Variants in DLGAP2 observed in about 807,000 individuals in gnomAD.
DLGAP2 encodes DLG associated protein 2, also known as disks large-associated protein 2.
DLGAP2 carries 26 observed loss-of-function variants against 100.3 expected under a neutral mutation model. That is an observed-to-expected ratio of 0.26 (90% CI 0.19 to 0.36). The LOEUF is 0.36. DLGAP2 is among the 10% of genes least tolerant of loss of function. The pLI, the probability that DLGAP2 is intolerant of heterozygous loss-of-function variation, is 1.00. For missense variants in DLGAP2, 1,858 were observed against 1,453.2 expected, an observed-to-expected ratio of 1.28 and a Z score of -4.53; for synonymous variants, 886 against 630.1, an observed-to-expected ratio of 1.41 and a Z score of -6.08.
At chr8:1,058,965 T>C (rs1287259635) in intron 2 of DLGAP2, among the ~76,000 whole-genome samples, 1 of 152,312 alleles carries the variant, frequency 6.6e-6, no homozygotes, top group East Asian at 1.9e-4. Flanking sequence ...AGCAAACCTT[T>C]ATTTAGCATC....
intron 2 of DLGAP2, among the ~76,000 whole-genome samples, chr8:941,809 C>T (rs1199240062): frequency 7.2e-6 from 1 of 139,580 alleles, no homozygotes; most frequent in Non-Finnish European, 1.5e-5. Context: ...ATTCAGTAGC[C>T]ACAAAATACA....
chr8:1,581,718 A>C (rs1189915700), intron 6 of DLGAP2, among the ~76,000 whole-genome samples: 5 of 152,000 alleles, frequency 3.3e-5, no homozygotes, highest in Admixed American at 3.3e-4. Flanking sequence ...AACTACCAGA[A>C]GTGAAGGATA....
chr8:820,754 G>C lies in DLGAP2; in HGVS notation c.18+82929G>C, dbSNP rs560856219. ...TCTGCATAAACTCACATAATGAGAA[G>C]CATTAAAAAATGTATGCAGAATTCT... On this transcript the variant is annotated intron_variant, in intron 1 of 14. Coordinates refer to ENST00000637795, the MANE Select transcript of DLGAP2 (RefSeq NM_001346810.2). Among the ~76,000 whole-genome samples the C allele has an allele frequency of 9.2e-5, 14 of 152,304 alleles. 1 individual carries two copies. The East Asian group carries it at 2.5e-3, about 27-fold the overall frequency.
intron 3 of DLGAP2, among the ~76,000 whole-genome samples, chr8:1,414,870 G>T (rs929684331): frequency 5.3e-5 from 8 of 152,154 alleles, no homozygotes; most frequent in African/African-American, 1.9e-4. Flanking sequence ...TTAGCCAGGC[G>T]TGGTGGCAGG....
intron 2 of DLGAP2, among the ~76,000 whole-genome samples, chr8:1,100,413 A>G (rs550587582): frequency 6.6e-6 from 1 of 151,846 alleles, no homozygotes; most frequent in Non-Finnish European, 1.5e-5. Flanking sequence ...TTTGTCCAGC[A>G]TATCCACAGT....
intron 2 of DLGAP2, among the ~76,000 whole-genome samples, chr8:1,106,356 G>A (rs1374029420): frequency 6.7e-6 from 1 of 149,920 alleles, no homozygotes; most frequent in Non-Finnish European, 1.5e-5. Context: ...ATTGAGGGGA[G>A]CCATTCTAGG....
chr8:1,551,831 C>T (rs180691266), intron 5 of DLGAP2, among the ~76,000 whole-genome samples: 4 of 152,322 alleles, frequency 2.6e-5, no homozygotes, highest in Admixed American at 2.6e-4. Flanking sequence ...TAACCACCTG[C>T]ATTATATCAT....
chr8:833,262 G>C (rs1045857999), intron 1 of DLGAP2, among the ~76,000 whole-genome samples: 1 of 152,178 alleles, frequency 6.6e-6, no homozygotes, highest in African/African-American at 2.4e-5. Context: ...CATTTCCTGA[G>C]AGAATTCAGG....
intron 1 of DLGAP2, among the ~76,000 whole-genome samples, chr8:879,895 C>G (rs1168899480): frequency 2.0e-5 from 3 of 152,172 alleles, no homozygotes; most frequent in Non-Finnish European, 4.4e-5. Context: ...AAGCACTTCT[C>G]CATTCTCCTT....
rs190520045 is a variant in DLGAP2, at chr8:859,173, G to C, written c.19-48739G>C. Among the ~76,000 whole-genome samples, 7 of 150,584 alleles carry C rather than the reference G, an allele frequency of 4.6e-5. No individual in the cohort carries two copies. In the East Asian group the frequency reaches 9.8e-4, roughly 21 times the overall value. ...ATTGCCCAGGCTGGAGTGCAGTGGC[G>C]CAATCTCAGCTCACTGCAACCTCCA... On this transcript the variant is annotated intron_variant, in intron 1 of 14. Coordinates refer to ENST00000637795, the MANE Select transcript of DLGAP2 (RefSeq NM_001346810.2).
intron 3 of DLGAP2, among the ~76,000 whole-genome samples, chr8:1,414,579 A>G (rs1160608988): frequency 6.6e-6 from 1 of 152,188 alleles, no homozygotes; most frequent in Non-Finnish European, 1.5e-5. Context: ...ACCAGAGTGG[A>G]GGCAGAACAC....
intron 3 of DLGAP2, among the ~76,000 whole-genome samples, chr8:1,464,959 T>A (rs75454979): frequency 0.018 from 2,686 of 152,014 alleles, 69 homozygotes; most frequent in African/African-American, 0.061. Context: ...ACCACAGTGG[T>A]TTTTCTATTT....
At chr8:880,907 T>C (rs923436689) in intron 1 of DLGAP2, among the ~76,000 whole-genome samples, 11 of 152,236 alleles carry the variant, frequency 7.2e-5, no homozygotes, top group African/African-American at 2.7e-4. Flanking sequence ...TGCCCTGATC[T>C]CCACTCTGTT....
intron 2 of DLGAP2, chr8:1,250,280 C>T (rs895925050): frequency 2.0e-5 from 3 of 152,240 alleles, no homozygotes; most frequent in Admixed American, 1.3e-4. Flanking sequence ...AGCAGAGAGG[C>T]TGAGCTGTGA....
intron 2 of DLGAP2, among the ~76,000 whole-genome samples, chr8:1,184,514 C>T (rs77868425): frequency 0.013 from 2,009 of 152,324 alleles, 31 homozygotes; most frequent in Non-Finnish European, 0.018. Context: ...ACGCGCTGTT[C>T]TCAGGGCAGT....
intron 1 of DLGAP2, among the ~76,000 whole-genome samples, chr8:824,962 C>T (rs1035604976): frequency 3.3e-5 from 5 of 152,252 alleles, no homozygotes; most frequent in East Asian, 1.9e-4. Flanking sequence ...TGAGAGGGGC[C>T]GCCCCACCTC....
chr8:745,804 C>T (rs1050945871), intron 1 of DLGAP2, among the ~76,000 whole-genome samples: 3 of 152,250 alleles, frequency 2.0e-5, no homozygotes, highest in East Asian at 1.9e-4. Context: ...GTAAAGAGAA[C>T]GGACTATAAG....
intron 3 of DLGAP2, among the ~76,000 whole-genome samples, chr8:1,491,331 T>TCCTGACCCCGGAGGCTTCGGGCCGCTCCC (rs1563180217): frequency 1.9e-4 from 9 of 48,412 alleles, no homozygotes; most frequent in African/African-American, 3.8e-4. Context: ...AGGCCGCTGC[T>TCCTGACCCCGGAGGCTTCGGGCCGCTCCC]CCTGACCCCG....
At chr8:1,456,987 T>G (rs1406999513) in intron 3 of DLGAP2, among the ~76,000 whole-genome samples, 1 of 152,226 alleles carries the variant, frequency 6.6e-6, no homozygotes, top group African/African-American at 2.4e-5. Context: ...AGGCCTGCAA[T>G]TAGCCTTTCC....
Sources: allele counts gnomAD v4.1 joint callset (sites outside exome capture counted in the v4.1 genomes callset), GRCh38; gene constraint gnomAD v4.1.1; transcripts MANE v1.5; gene names NCBI Gene and HGNC (gene_info 2026-07-23, HGNC 2026-07-21).